KIF26B: variants seen among roughly 807,000 people sequenced by gnomAD.
KIF26B encodes the protein kinesin family member 26B, also known as kinesin-like protein KIF26B.
A neutral mutation model predicts 151.2 loss-of-function variants in KIF26B; 63 were observed. That is an observed-to-expected ratio of 0.42 (90% CI 0.34 to 0.51). The LOEUF is 0.51. Among genes scored for constraint, KIF26B ranks in the 20% least tolerant of loss-of-function variants. KIF26B has a pLI of 0.07. For synonymous variants in KIF26B, 1,357 were observed against 1,262.1 expected (o/e 1.08, Z -1.59); for missense variants, 2,813 against 2,913.6 (o/e 0.97, Z 0.79).
chr1:245,212,713 TGA>T (rs1669564770), intron 2 of KIF26B, among the ~76,000 whole-genome samples: 2 of 152,214 alleles, frequency 1.3e-5, no homozygotes, highest in African/African-American at 4.8e-5. Flanking sequence ...GCTGTCGCCC[TGA>T]GAGGCGGCAC....
chr1:245,646,258 G>A lies in KIF26B; in HGVS notation c.2236G>A (p.Gly746Ser), dbSNP rs1333605495. 2.5e-6 allele frequency: 4 copies of A among 1,613,688 alleles called. No homozygotes were observed. The highest frequency in any genetic ancestry group is 1.7e-5 in the Admixed American group (1 of 59,988). The stretch of plus-strand genomic sequence containing the variant: ...CAATGTCATCCTGGCTCTCGTCAAT[G>A]GCAGCAAACACATTCCATACAAGTA... ...LGNVILALVN[G>S]SKHIPYKESK... The change falls in exon 10 of 15, where the codon GGC becomes AGC. Residue 746 changes from glycine to serine, a missense_variant. Coordinates refer to ENST00000407071, the MANE Select transcript of KIF26B (RefSeq NM_018012.4).
intron 4 of KIF26B, among the ~76,000 whole-genome samples, chr1:245,475,740 C>T (rs547728427): frequency 3.3e-5 from 5 of 151,852 alleles, no homozygotes; most frequent in East Asian, 1.9e-4. Flanking sequence ...AAAGACAGAT[C>T]GTGCATTGGG....
At chr1:245,411,795 A>G (rs1465988551) in intron 3 of KIF26B, among the ~76,000 whole-genome samples, 1 of 152,202 alleles carries the variant, frequency 6.6e-6, no homozygotes, top group East Asian at 1.9e-4. Flanking sequence ...AGAAAGGGAC[A>G]TAATTTTTTT....
chr1:245,416,613 C>A (rs1674426572), intron 3 of KIF26B, among the ~76,000 whole-genome samples: 2 of 151,884 alleles, frequency 1.3e-5, no homozygotes, highest in African/African-American at 4.8e-5. Flanking sequence ...GTAAAAGCAT[C>A]CAGCAGAGGA....
intron 5 of KIF26B, among the ~76,000 whole-genome samples, chr1:245,570,548 G>T (rs1167527087): frequency 6.6e-6 from 1 of 152,184 alleles, no homozygotes; most frequent in African/African-American, 2.4e-5. Context: ...ATGAATTCAT[G>T]TCTGTTCCCT....
chr1:245,650,895 C>G (rs1398686573), intron 10 of KIF26B, among the ~76,000 whole-genome samples: 1 of 152,152 alleles, frequency 6.6e-6, no homozygotes, highest in African/African-American at 2.4e-5. Context: ...AAATGATGCC[C>G]GGCACCTCCC....
intron 6 of KIF26B, among the ~76,000 whole-genome samples, chr1:245,607,005 G>A (rs984327322): frequency 2.8e-5 from 4 of 145,106 alleles, no homozygotes; most frequent in African/African-American, 1.0e-4. Flanking sequence ...GGCGGAGGTT[G>A]CAGTGAGTTG....
chr1:245,622,650 T>C lies in KIF26B; in HGVS notation c.2098+10674T>C, dbSNP rs938845323. ...AACAGCTTTGGGAAGTTTCCATCTCTGCCTTTGCCATTTTCCTTCTGTGCA... is the reference window on the plus strand; with the variant it reads ...AACAGCTTTGGGAAGTTTCCATCTCCGCCTTTGCCATTTTCCTTCTGTGCA... On this transcript the variant is annotated intron_variant, in intron 9 of 14. Transcript: ENST00000407071. 3.4e-4 allele frequency among the ~76,000 whole-genome samples: 52 copies of C among 152,324 alleles called. 1 individual carries two copies. Among genetic ancestry groups the C allele is most frequent in the Admixed American group, 2.9e-3 (44 of 15,300 alleles).
At chr1:245,418,815 C>T (rs560827975) in intron 3 of KIF26B, among the ~76,000 whole-genome samples, 55 of 152,120 alleles carry the variant, frequency 3.6e-4, no homozygotes, top group Non-Finnish European at 6.5e-4. Context: ...AAGTGTATTT[C>T]TACACAACAT....
At chr1:245,537,446 A>T (rs1251923978) in intron 4 of KIF26B, among the ~76,000 whole-genome samples, 1 of 152,178 alleles carries the variant, frequency 6.6e-6, no homozygotes, top group Admixed American at 6.5e-5. Flanking sequence ...GAGCAGACTT[A>T]AATCTTAAAA....
intron 4 of KIF26B, among the ~76,000 whole-genome samples, chr1:245,486,543 A>G (rs1451664278): frequency 1.3e-5 from 2 of 152,260 alleles, no homozygotes; most frequent in Non-Finnish European, 2.9e-5. Flanking sequence ...TAAATACGTA[A>G]GATAATTTCA....
chr1:245,630,266 C>T (rs10924266), intron 9 of KIF26B, among the ~76,000 whole-genome samples: 114,353 of 152,096 alleles, frequency 0.75, 43,083 homozygotes, highest in East Asian at 0.89. Flanking sequence ...CATTCTACTA[C>T]AAAGACACAT....
At chr1:245,265,719 G>T (rs1670733277) in intron 2 of KIF26B, among the ~76,000 whole-genome samples, 1 of 151,768 alleles carries the variant, frequency 6.6e-6, no homozygotes. Flanking sequence ...TCCCACCTCA[G>T]CTAGGACTGA....
intron 2 of KIF26B, among the ~76,000 whole-genome samples, chr1:245,248,203 G>A (rs1026585929): frequency 1.3e-5 from 2 of 151,926 alleles, no homozygotes; most frequent in Non-Finnish European, 2.9e-5. Context: ...AGAAAGACAC[G>A]GCGACCTACT....
rs1052441831 is a variant in KIF26B at position 245,705,252 on chromosome 1, T to A, written c.*2646T>A. Reference sequence around the variant, plus strand: ...TGAAGGAGAATGCTTTATGTTGATGTTGTCCATTCTCTCTCTCTTCTCTTT... The same window carrying A: ...TGAAGGAGAATGCTTTATGTTGATGATGTCCATTCTCTCTCTCTTCTCTTT... On this transcript the variant is annotated 3_prime_UTR_variant, in exon 15 of 15. Transcript: ENST00000407071. 5 of 152,226 alleles carry A rather than the reference T, an allele frequency of 3.3e-5. No individual in the cohort carries two copies. Among genetic ancestry groups the A allele is most frequent in the African/African-American group, 1.2e-4 (5 of 41,452 alleles). The allele number at this position is 152,226 out of a possible 1,614,324, so 9.4% of individuals were successfully genotyped here. A position where few individuals can be genotyped will look rare whatever the true frequency, so the allele number is the denominator to read the frequency against.
rs75038665 is a variant in KIF26B at position 245,401,314 on chromosome 1, C to T, written c.1000-18265C>T. The stretch of plus-strand genomic sequence containing the variant: ...GGGCCCTTAGAAGCCGCAGATCAGC[C>T]ATAAGCATCTGTGTTCACAGTTTCC... On this transcript the variant is annotated intron_variant, in intron 3 of 14. Transcript: ENST00000407071. 3.1e-3 allele frequency among the ~76,000 whole-genome samples: 467 copies of T among 152,288 alleles called. 1 individual carries two copies. The highest frequency in any genetic ancestry group is 0.01 in the African/African-American group (423 of 41,560).
At chr1:245,416,292 A>AAAAAAAAAAAAG (rs1674418205) in intron 3 of KIF26B, among the ~76,000 whole-genome samples, 1 of 142,886 alleles carries the variant, frequency 7.0e-6, no homozygotes, top group Non-Finnish European at 1.5e-5. Context: ...AAAAAAAAAA[A>AAAAAAAAAAAAG]AAAAAAAGAA....
At chr1:245,249,536 G>A (rs1304830023) in intron 2 of KIF26B, among the ~76,000 whole-genome samples, 5 of 143,266 alleles carry the variant, frequency 3.5e-5, no homozygotes, top group African/African-American at 7.9e-5. Flanking sequence ...CGCCTAGGCC[G>A]GAGTGCAATG....
rs1185965427 is a variant in KIF26B at position 245,685,721 on chromosome 1, C to T, written c.2738C>T (p.Ala913Val). The change falls in exon 12 of 15, where the codon GCC (alanine) becomes GTC (valine). Residue 913 changes from alanine to valine, a missense_variant. Ala to Val is a moderately conservative substitution (Grantham distance 64). Around this residue, in one of 3 missense-constraint regions of KIF26B, gnomAD observed 2,060 missense variants for 2,088.6 expected, o/e 0.99. Coordinates refer to ENST00000407071, the MANE Select transcript of KIF26B (RefSeq NM_018012.4). The part of the protein sequence containing the change: ...SRPAEAGEAA[A>V]GKSERDCLKC... ...CCCGCAGAGGCAGGAGAGGCTGCAG[C>T]CGGCAAGTCAGAAAGGGACTGCCTG... 3 of 1,611,992 alleles carry T rather than the reference C, an allele frequency of 1.9e-6. No homozygotes were observed. Among genetic ancestry groups the T allele is most frequent in the Non-Finnish European group, 2.5e-6 (3 of 1,179,276 alleles).
Sources: allele counts gnomAD v4.1 joint callset (sites outside exome capture counted in the v4.1 genomes callset), GRCh38; gene constraint gnomAD v4.1.1; regional missense constraint gnomAD v4.1.1; transcripts MANE v1.5; gene names NCBI Gene and HGNC (gene_info 2026-07-23, HGNC 2026-07-21).